Variants in TRPV3 observed in about 807,000 individuals in gnomAD.
TRPV3 encodes the protein VRL-3.
TRPV3 carries 88 observed loss-of-function variants against 87.1 expected under a neutral mutation model. The ratio of observed to expected loss-of-function variants is 1.01; its 90% CI spans 0.85 to 1.21. The LOEUF (loss-of-function observed/expected upper bound fraction) is 1.21. Ranked by LOEUF, TRPV3 falls within the 50% of genes most tolerant of loss-of-function variation. TRPV3 has a pLI of 0.00. For missense variants in TRPV3, 1,054 were observed against 1,030.1 expected (o/e 1.02, Z -0.32); for synonymous variants, 438 against 423.3 (o/e 1.03, Z -0.43).
At chr17:3,545,567 C>T (rs1225429080) in intron 2 of TRPV3, among the ~76,000 whole-genome samples, 3 of 152,142 alleles carry the variant, frequency 2.0e-5, no homozygotes, top group African/African-American at 7.2e-5. Flanking sequence ...AGGACACACC[C>T]GGGAAGAAGA....
chr17:3,524,164 G>A (rs75084728), intron 13 of TRPV3, 34 bp downstream of exon 13: 30,410 of 1,607,048 alleles, frequency 0.019, 344 homozygotes, highest in Non-Finnish European at 0.022. Flanking sequence ...GCCATCCTCC[G>A]AGGGCCCTCC....
At chr17:3,521,091 G>T in intron 13 of TRPV3, 52 bp from the exon 14 acceptor site, 1 of 1,209,652 alleles carries the variant, frequency 8.3e-7, no homozygotes, top group Non-Finnish European at 1.2e-6. Context: ...CATATTCACG[G>T]CACCCTGATC....
At position 3,510,748 on chromosome 17, in the gene TRPV3, ACGGCTTAC is replaced by A. The variant is rs1393615157; in HGVS notation, c.*3161_*3168del. The A allele has an allele frequency of 2.0e-5, 3 of 152,220 alleles. No homozygotes were observed. The allele number at this position is 152,220 out of a possible 1,614,324, so 9.4% of individuals were successfully genotyped here. A position where few individuals can be genotyped will look rare whatever the true frequency, so the allele number is the denominator to read the frequency against. On this transcript the variant is annotated 3_prime_UTR_variant, in exon 18 of 18. Coordinates refer to ENST00000576742, the MANE Select transcript of TRPV3 (RefSeq NM_145068.4). ...ATGTAAATCAATGCAGAAATCAAGT[ACGGCTTAC>A]AGGCCCGGATGACGGCCCATCTACC...
chr17:3,549,005 T>C (rs1033502020), intron 2 of TRPV3, among the ~76,000 whole-genome samples: 64 of 152,286 alleles, frequency 4.2e-4, no homozygotes, highest in Non-Finnish European at 1.3e-4. Context: ...CCTGCGGCCC[T>C]GCAGTGCCCC....
intron 11 of TRPV3, among the ~76,000 whole-genome samples, chr17:3,527,443 A>G (rs2074309678): frequency 6.6e-6 from 1 of 152,162 alleles, no homozygotes; most frequent in Non-Finnish European, 1.5e-5. Context: ...GGTCTATCAT[A>G]AAGTCTTGAT....
chr17:3,543,681 C>T, intron 4 of TRPV3, 53 bp from the exon 5 acceptor site: 1 of 1,601,330 alleles, frequency 6.2e-7, no homozygotes, highest in South Asian at 1.1e-5. Context: ...CAAGCTCAAT[C>T]TCTCCTTTTC....
intron 7 of TRPV3, 86 bp downstream of exon 7, chr17:3,535,487 C>G: frequency 7.5e-7 from 1 of 1,331,830 alleles, no homozygotes; most frequent in Admixed American, 3.1e-5. Context: ...CTCCTCCCTT[C>G]TTCCCTCCTT....
At chr17:3,552,483 C>A (rs192541386) in intron 2 of TRPV3, 5 of 152,334 alleles carry the variant, frequency 3.3e-5, no homozygotes, top group African/African-American at 1.2e-4. Flanking sequence ...CGTGAGCCAC[C>A]GCGCCCGGCC....
intron 2 of TRPV3, among the ~76,000 whole-genome samples, chr17:3,547,544 C>T (rs2074537932): frequency 6.6e-6 from 1 of 152,178 alleles, no homozygotes; most frequent in African/African-American, 2.4e-5. Flanking sequence ...TCACTTGGAC[C>T]TGGGAGGTGG....
At position 3,545,267 on chromosome 17, in the gene TRPV3, G is replaced by A. The variant is rs2074513248; in HGVS notation, c.124C>T (p.His42Tyr). The change falls in exon 3 of 18, where the codon CAC becomes TAC. Residue 42 changes from histidine to tyrosine, a missense_variant. Coordinates refer to ENST00000576742, the MANE Select transcript of TRPV3 (RefSeq NM_145068.4). The part of the protein sequence containing the change: ...AEITPTKKSA[H>Y]FFLEIEGFEP... ...AACCCTTCTATCTCCAGGAAGAAGTGTGCACTGAGGGAACACGGAGGAAGC... is the reference window on the plus strand; with the variant it reads ...AACCCTTCTATCTCCAGGAAGAAGTATGCACTGAGGGAACACGGAGGAAGC... The A allele has an allele frequency of 1.2e-6, 2 of 1,612,328 alleles. No individual in the cohort carries two copies. The highest frequency in any genetic ancestry group is 1.7e-6 in the Non-Finnish European group (2 of 1,178,602).
intron 2 of TRPV3, among the ~76,000 whole-genome samples, chr17:3,549,214 T>C (rs1042380507): frequency 3.9e-5 from 6 of 152,150 alleles, no homozygotes; most frequent in Non-Finnish European, 5.9e-5. Context: ...CATCCCGCCC[T>C]ACCTGTCTGC....
At position 3,515,887 on chromosome 17, in the gene TRPV3, C is replaced by CA. The variant is rs201659975; in HGVS notation, c.2198+569dup. 8.3e-3 allele frequency among the ~76,000 whole-genome samples: 1,256 copies of CA among 152,010 alleles called. 14 individuals carry two copies. The highest frequency in any genetic ancestry group is 0.028 in the African/African-American group (1,155 of 41,456). ...CACAGAGAGACCATGGAGGCACCTCCAAAAAAGCAGAGAGAGGGGCTGGGT... is the reference window on the plus strand; with the variant it reads ...CACAGAGAGACCATGGAGGCACCTCCAAAAAAAGCAGAGAGAGGGGCTGGGT... On this transcript the variant is annotated intron_variant, in intron 16 of 17. Coordinates refer to ENST00000576742, the MANE Select transcript of TRPV3 (RefSeq NM_145068.4).
At position 3,517,573 on chromosome 17, in the gene TRPV3, T is replaced by C. The variant is rs371858540; in HGVS notation, c.2085+1003A>G. Among the ~76,000 whole-genome samples, 9 of 138,790 alleles carry C rather than the reference T, an allele frequency of 6.5e-5. No homozygotes were observed. In the East Asian group the frequency reaches 1.5e-3, roughly 24 times the overall value. 91.1% of individuals were successfully genotyped at this position (138,790 alleles called of 152,430 possible). A position where few individuals can be genotyped will look rare whatever the true frequency, so the allele number is the denominator to read the frequency against. ...GGCAGAGTTTGCAGTGAGCTGATAA[T>C]CGTGCCACTGCACTCCAGCCTGGGC... On this transcript the variant is annotated intron_variant, in intron 15 of 17. Transcript: ENST00000576742.
At chr17:3,526,262 G>A (rs2074298761) in intron 12 of TRPV3, among the ~76,000 whole-genome samples, 1 of 152,158 alleles carries the variant, frequency 6.6e-6, no homozygotes, top group South Asian at 2.1e-4. Context: ...CAGATCACTT[G>A]AGGTCAGGAG....
chr17:3,516,627 G>A (rs1260198973), intron 15 of TRPV3, 58 bp from the exon 16 acceptor site: 2 of 1,265,270 alleles, frequency 1.6e-6, no homozygotes, highest in Admixed American at 1.7e-5. Flanking sequence ...ACACACAAGG[G>A]CACACACACT....
chr17:3,524,311 A>G lies in TRPV3; in HGVS notation c.1630T>C (p.Tyr544His). 1 of 1,614,266 alleles carries G rather than the reference A, an allele frequency of 6.2e-7. No individual in the cohort carries two copies. The highest frequency in any genetic ancestry group is 8.5e-7 in the Non-Finnish European group (1 of 1,180,050). ...ILSVFLYLFA[Y>H]KEYLACLVLA... ...ACGAGGCAGGCGAGGTACTCTTTGT[A>G]GGCAAACAAGTACAAGAAGACAGAC... Residue 544 changes from tyrosine to histidine, a missense_variant, in exon 13 of 18, where the codon TAC (tyrosine) becomes CAC (histidine). Transcript: ENST00000576742.
chr17:3,523,564 C>A (rs9905037), intron 13 of TRPV3, among the ~76,000 whole-genome samples: 13,492 of 151,946 alleles, frequency 0.089, 713 homozygotes, highest in African/African-American at 0.14. Flanking sequence ...ACTAAAAATA[C>A]AAAAATTAGC....
rs1567635613 is a variant in TRPV3, at chr17:3,528,516, C to T, written c.1401+321G>A. Among the ~76,000 whole-genome samples the T allele has an allele frequency of 6.6e-6, 1 of 152,220 alleles. No homozygotes were observed. The highest frequency in any genetic ancestry group is 2.4e-5 in the African/African-American group (1 of 41,456). On this transcript the variant is annotated intron_variant, in intron 10 of 17. Transcript: ENST00000576742. This position sits in a 1 kb window ranked among gnomAD's most constrained non-coding sequence, Gnocchi z 4.2. ...GCAGGCAGGGAGAGCTTATCCTCCTCCCGTTTCCTGCAGCCCTCACAGCAG... is the reference window on the plus strand; with the variant it reads ...GCAGGCAGGGAGAGCTTATCCTCCTTCCGTTTCCTGCAGCCCTCACAGCAG...
At chr17:3,529,761 TC>T (rs1044478206) in intron 9 of TRPV3, among the ~76,000 whole-genome samples, 1 of 151,380 alleles carries the variant, frequency 6.6e-6, no homozygotes. Flanking sequence ...CCCTGGATAC[TC>T]GGTCCAGAAG....
Sources: gnomAD v4.1 joint callset for allele counts (sites outside exome capture counted in the v4.1 genomes callset) on GRCh38, gnomAD v4.1.1 for gene constraint, Gnocchi (gnomAD v3.1) non-coding constraint, MANE v1.5 for transcripts, NCBI Gene and HGNC (gene_info 2026-07-23, HGNC 2026-07-21) for gene names.